EPB41L2: variants seen among roughly 807,000 people sequenced by gnomAD.
The protein encoded by EPB41L2 is band 4.1-like protein 2.
Under a neutral mutation model 113.0 loss-of-function variants are expected in EPB41L2, and 43 were observed. That is an observed-to-expected ratio of 0.38 (90% confidence interval 0.30 to 0.49). The LOEUF (loss-of-function observed/expected upper bound fraction) is 0.49, where lower values mean the gene tolerates loss of function less well. Among genes scored for constraint, EPB41L2 ranks in the 20% least tolerant of loss-of-function variants. The probability of loss-of-function intolerance (pLI) is 0.95; values close to 1 mark genes in which losing one functional copy is unlikely to be tolerated. For missense variants in EPB41L2, 1,147 were observed against 1,223.4 expected (o/e 0.94, Z 0.93); for synonymous variants, 442 against 436.7 (o/e 1.01, Z -0.15).
intron 1 of EPB41L2, among the ~76,000 whole-genome samples, chr6:130,962,798 A>G (rs1182845637): frequency 6.6e-6 from 1 of 151,864 alleles, no homozygotes; most frequent in African/African-American, 2.4e-5. Context: ...CCCCTTCCAC[A>G]TGTGTTTCAA....
chr6:130,857,510 A>G (rs991153018), intron 19 of EPB41L2, among the ~76,000 whole-genome samples: 1 of 150,594 alleles, frequency 6.6e-6, no homozygotes, highest in African/African-American at 2.4e-5. Context: ...TTACACAGTC[A>G]AAGAAATCTT....
intron 19 of EPB41L2, among the ~76,000 whole-genome samples, chr6:130,853,356 C>G (rs1385123282): frequency 6.6e-6 from 1 of 152,154 alleles, no homozygotes; most frequent in East Asian, 1.9e-4. Flanking sequence ...TCTGAGACCA[C>G]ACAGATCACA....
At chr6:130,890,015 G>A (rs1227797118) in intron 11 of EPB41L2, among the ~76,000 whole-genome samples, 2 of 151,850 alleles carry the variant, frequency 1.3e-5, no homozygotes, top group Non-Finnish European at 2.9e-5. Flanking sequence ...AAGGCTTTCT[G>A]ATTTTGGAGC....
At chr6:130,967,902 G>GA (rs551365350) in intron 1 of EPB41L2, among the ~76,000 whole-genome samples, 12 of 151,056 alleles carry the variant, frequency 7.9e-5, no homozygotes, top group East Asian at 7.8e-4. Context: ...ATGCTCTATA[G>GA]AAAAAAAAAT....
intron 19 of EPB41L2, 88 bp downstream of exon 19, chr6:130,858,043 G>A: frequency 9.8e-7 from 1 of 1,019,832 alleles, no homozygotes; most frequent in Non-Finnish European, 1.5e-6. Flanking sequence ...AGAAGACACT[G>A]ATATGAACTT....
At chr6:130,884,802 T>C (rs1562387778) in intron 12 of EPB41L2, among the ~76,000 whole-genome samples, 1 of 152,230 alleles carries the variant, frequency 6.6e-6, no homozygotes, top group Non-Finnish European at 1.5e-5. Flanking sequence ...AAAATAAATT[T>C]CAAATCATCA....
At chr6:130,915,521 T>C (rs913895995) in intron 4 of EPB41L2, among the ~76,000 whole-genome samples, 1 of 152,222 alleles carries the variant, frequency 6.6e-6, no homozygotes, top group Admixed American at 6.5e-5. Context: ...CCACATCACA[T>C]TGTAGTAGCT....
intron 1 of EPB41L2, among the ~76,000 whole-genome samples, chr6:131,008,134 G>A (rs1786030890): frequency 6.6e-6 from 1 of 152,234 alleles, no homozygotes. Context: ...AGGCCCAGAG[G>A]CCTAGGAGGG....
intron 16 of EPB41L2, among the ~76,000 whole-genome samples, chr6:130,866,663 T>A (rs572997668): frequency 1.8e-4 from 28 of 152,356 alleles, no homozygotes; most frequent in African/African-American, 6.3e-4. Flanking sequence ...GAGAGGTCAA[T>A]AACCTGACAT....
intron 3 of EPB41L2, among the ~76,000 whole-genome samples, chr6:130,949,514 G>A (rs1814081127): frequency 6.6e-6 from 1 of 151,968 alleles, no homozygotes; most frequent in African/African-American, 2.4e-5. Context: ...GAGGCAAGAA[G>A]AGGGACTGCC....
chr6:130,995,322 G>C (rs1282957774), intron 1 of EPB41L2, among the ~76,000 whole-genome samples: 1 of 151,430 alleles, frequency 6.6e-6, no homozygotes, highest in Non-Finnish European at 1.5e-5. Context: ...GCGACTAAGC[G>C]AGACTCCGTC....
intron 1 of EPB41L2, among the ~76,000 whole-genome samples, chr6:131,056,133 GA>G (rs1797532242): frequency 6.6e-6 from 1 of 152,116 alleles, no homozygotes; most frequent in African/African-American, 2.4e-5. Context: ...GTTAAAACAC[GA>G]TGTTGCTGGA....
intron 4 of EPB41L2, among the ~76,000 whole-genome samples, chr6:130,918,072 G>A (rs1801688450): frequency 6.6e-6 from 1 of 152,152 alleles, no homozygotes; most frequent in Non-Finnish European, 1.5e-5. Context: ...GCTGGTGTTA[G>A]GAGAAAAGTT....
intron 1 of EPB41L2, among the ~76,000 whole-genome samples, chr6:130,982,356 T>A (rs1290308061): frequency 6.6e-6 from 1 of 152,198 alleles, no homozygotes; most frequent in South Asian, 2.1e-4. Flanking sequence ...CCTCATTCTA[T>A]AAACTTCAAA....
intron 18 of EPB41L2, chr6:130,858,447 CA>C (rs1406447970): frequency 3.2e-5 from 15 of 470,176 alleles, no homozygotes; most frequent in Non-Finnish European, 5.7e-5. Flanking sequence ...CCCAATTCTT[CA>C]GTCCACTTTC....
chr6:130,860,677 C>T (rs983981071), intron 18 of EPB41L2, among the ~76,000 whole-genome samples: 7 of 151,954 alleles, frequency 4.6e-5, no homozygotes, highest in Admixed American at 2.0e-4. Context: ...CGACTACAGG[C>T]GCCTGCCACT....
intron 14 of EPB41L2, among the ~76,000 whole-genome samples, chr6:130,875,088 G>A (rs1373729353): frequency 6.6e-6 from 1 of 152,012 alleles, no homozygotes; most frequent in African/African-American, 2.4e-5. Context: ...TTTCTCATTT[G>A]CAATGTTCTG....
Position 130,901,150 on chromosome 6 carries a change from G to C in EPB41L2, c.960C>G (p.Asp320Glu). The change falls in exon 7 of 20, where the codon GAC becomes GAG. Residue 320 changes from aspartate (D) to glutamate (E), a missense_variant. By Grantham distance (45) the Asp-to-Glu change is conservative. Transcript: ENST00000337057. ...AGCAGGGCAGGCGGCCAGAGGCAATGTCCTGCCGGAGCTGAAGGCACAAGA... is the reference window on the plus strand; with the variant it reads ...AGCAGGGCAGGCGGCCAGAGGCAATCTCCTGCCGGAGCTGAAGGCACAAGA... ...RYFLCLQLRQ[D>E]IASGRLPCSF... 6.2e-7 allele frequency: 1 copy of C among 1,613,910 alleles called. No individual in the cohort carries two copies. Among genetic ancestry groups the C allele is most frequent in the Non-Finnish European group, 8.5e-7 (1 of 1,179,988 alleles).
At chr6:130,861,309 T>TGATCTGCCCACCTCGG (rs1781956214) in intron 18 of EPB41L2, among the ~76,000 whole-genome samples, 1 of 151,952 alleles carries the variant, frequency 6.6e-6, no homozygotes, top group Admixed American at 6.6e-5. Flanking sequence ...CCTGACCTCG[T>TGATCTGCCCACCTCGG]GATCTGCCCA....
Sources: gnomAD v4.1 joint callset for allele counts (sites outside exome capture counted in the v4.1 genomes callset) on GRCh38, gnomAD v4.1.1 for gene constraint, MANE v1.5 for transcripts, NCBI Gene and HGNC (gene_info 2026-07-23, HGNC 2026-07-21) for gene names.